VPS41: variants seen among roughly 807,000 people sequenced by gnomAD.
VPS41 encodes VPS41 subunit of HOPS complex, also known as vacuolar protein sorting-associated protein 41 homolog.
VPS41 carries 85 observed loss-of-function variants against 130.9 expected under a neutral mutation model. The ratio of observed to expected loss-of-function variants is 0.65; its 90% confidence interval spans 0.55 to 0.78. The LOEUF (loss-of-function observed/expected upper bound fraction) is 0.78. VPS41 is among the 30% of genes least tolerant of loss of function. VPS41 has a pLI of 0.00. For synonymous variants in VPS41, 335 were observed against 332.9 expected (o/e 1.01, Z -0.07); for missense variants, 874 against 1,018.7 (o/e 0.86, Z 1.93).
chr7:38,849,288 C>T (rs1785797775), intron 4 of VPS41, among the ~76,000 whole-genome samples: 1 of 152,092 alleles, frequency 6.6e-6, no homozygotes, highest in Non-Finnish European at 1.5e-5. Context: ...GTTTAAGCTT[C>T]TGAAGCCCCA....
intron 6 of VPS41, among the ~76,000 whole-genome samples, chr7:38,820,488 A>G (rs994200679): frequency 4.6e-5 from 7 of 152,170 alleles, no homozygotes; most frequent in Non-Finnish European, 8.8e-5. Flanking sequence ...CTTGACTCTT[A>G]TCTGTCCTTC....
chr7:38,756,814 G>T (rs769694309), intron 19 of VPS41, 24 bp downstream of exon 19: 3 of 1,438,142 alleles, frequency 2.1e-6, no homozygotes, highest in Non-Finnish European at 2.9e-6. Flanking sequence ...ATAATTGACA[G>T]TACTAAAATA....
rs1379808135 is a variant in VPS41, at chr7:38,724,253, TTAAAG to T, written c.*1988_*1992del. On this transcript the variant is annotated 3_prime_UTR_variant, in exon 29 of 29. Coordinates refer to ENST00000310301, the MANE Select transcript of VPS41 (RefSeq NM_014396.4). Reference sequence around the variant, plus strand: ...AAATTAGCAAATCCTATTGATGATCTTAAAGTAAACTTTTCTGGAAATGAGCTTGC... The same window carrying T: ...AAATTAGCAAATCCTATTGATGATCTTAAACTTTTCTGGAAATGAGCTTGC... The T allele has an allele frequency of 6.6e-6, 1 of 152,256 alleles. No individual in the cohort carries two copies. Among genetic ancestry groups the T allele is most frequent in the Non-Finnish European group, 1.5e-5 (1 of 68,050 alleles). The allele number at this position is 152,256 out of a possible 1,614,324, so 9.4% of individuals were successfully genotyped here. A position where few individuals can be genotyped will look rare whatever the true frequency, so the allele number is the denominator to read the frequency against.
chr7:38,857,060 G>A (rs1260230175), intron 4 of VPS41, among the ~76,000 whole-genome samples: 1 of 152,216 alleles, frequency 6.6e-6, no homozygotes, highest in East Asian at 1.9e-4. Flanking sequence ...TAGATGGACA[G>A]AGGTCTGGGT....
intron 4 of VPS41, among the ~76,000 whole-genome samples, chr7:38,839,673 C>T (rs1033946713): frequency 1.3e-5 from 2 of 152,034 alleles, no homozygotes; most frequent in African/African-American, 2.4e-5. Flanking sequence ...TCATGTGATC[C>T]TCCCGCCTCG....
chr7:38,770,763 A>C (rs1029984262), intron 14 of VPS41, among the ~76,000 whole-genome samples: 1 of 152,214 alleles, frequency 6.6e-6, no homozygotes. Context: ...TCCTGAGTCC[A>C]AAATGTAATA....
At chr7:38,787,336 G>GCCTC (rs1332719258) in intron 10 of VPS41, among the ~76,000 whole-genome samples, 2 of 152,176 alleles carry the variant, frequency 1.3e-5, no homozygotes, top group Admixed American at 6.5e-5. Flanking sequence ...TTGGTGAAAA[G>GCCTC]TACCAGAGGC....
intron 6 of VPS41, among the ~76,000 whole-genome samples, chr7:38,818,335 T>A (rs1785103041): frequency 6.6e-6 from 1 of 151,484 alleles, no homozygotes; most frequent in African/African-American, 2.4e-5. Flanking sequence ...CAACGCAGCC[T>A]CCCAGACGTT....
intron 11 of VPS41, among the ~76,000 whole-genome samples, chr7:38,775,912 A>G (rs1337270363): frequency 6.6e-6 from 1 of 151,962 alleles, no homozygotes; most frequent in Non-Finnish European, 1.5e-5. Context: ...TTTCTTCTAT[A>G]TACAGCATCC....
intron 10 of VPS41, 29 bp downstream of exon 10, chr7:38,789,772 T>A (rs781633557): frequency 1.2e-6 from 2 of 1,611,658 alleles, no homozygotes; most frequent in African/African-American, 2.7e-5. Context: ...AAGTTTTACA[T>A]CCACAGAAGG....
At chr7:38,887,676 G>C (rs1309303906) in intron 2 of VPS41, among the ~76,000 whole-genome samples, 1 of 152,048 alleles carries the variant, frequency 6.6e-6, no homozygotes, top group Non-Finnish European at 1.5e-5. Flanking sequence ...GAAATACAGA[G>C]AACACCACAA....
chr7:38,732,967 A>G (rs1005892745), intron 25 of VPS41, among the ~76,000 whole-genome samples: 2 of 152,224 alleles, frequency 1.3e-5, no homozygotes, highest in Non-Finnish European at 2.9e-5. Context: ...AGCTGGGACC[A>G]CAGGCATGAG....
At position 38,746,256 on chromosome 7, in the gene VPS41, T is replaced by TAA. The variant is rs11359151; in HGVS notation, c.1927-645_1927-644dup. The stretch of plus-strand genomic sequence containing the variant: ...CAGATGAGAGCATTTCCATTAGTCT[T>TAA]AAAAAAAAAAAAAAGACCTACTATA... On this transcript the variant is annotated intron_variant, in intron 22 of 28. Coordinates refer to ENST00000310301, the MANE Select transcript of VPS41 (RefSeq NM_014396.4). Among the ~76,000 whole-genome samples, 1,437 of 146,058 alleles carry TAA rather than the reference T, an allele frequency of 9.8e-3. 11 individuals carry two copies. Among genetic ancestry groups the TAA allele is most frequent in the Non-Finnish European group, 0.014 (925 of 66,572 alleles).
Position 38,724,127 on chromosome 7 carries a change from G to C in VPS41, c.*2119C>G, listed in dbSNP as rs1795489527. Reference sequence around the variant, plus strand: ...AATCAGTTACTTAAAAATGAAGACTGTTTAATTATTTTCTCCTTTTCTATA... The same window carrying C: ...AATCAGTTACTTAAAAATGAAGACTCTTTAATTATTTTCTCCTTTTCTATA... On this transcript the variant is annotated 3_prime_UTR_variant, in exon 29 of 29. Transcript: ENST00000310301. 1 of 152,112 alleles carries C rather than the reference G, an allele frequency of 6.6e-6. No individual in the cohort carries two copies. Among genetic ancestry groups the C allele is most frequent in the Admixed American group, 6.6e-5 (1 of 15,264 alleles). 9.4% of individuals were successfully genotyped at this position (152,112 alleles called of 1,614,324 possible).
intron 1 of VPS41, among the ~76,000 whole-genome samples, chr7:38,904,042 C>A (rs918253940): frequency 3.9e-5 from 6 of 152,158 alleles, no homozygotes; most frequent in African/African-American, 9.7e-5. Context: ...TCCATCTGCA[C>A]AGACTCTGAT....
chr7:38,736,238 T>TA (rs997531603), intron 25 of VPS41, among the ~76,000 whole-genome samples: 1 of 152,210 alleles, frequency 6.6e-6, no homozygotes, highest in African/African-American at 2.4e-5. Flanking sequence ...AGTGCCAGAC[T>TA]AGGTGTGTAA....
chr7:38,856,027 C>T (rs1313555017), intron 4 of VPS41, among the ~76,000 whole-genome samples: 1 of 152,140 alleles, frequency 6.6e-6, no homozygotes, highest in African/African-American at 2.4e-5. Flanking sequence ...TTGCAGACAG[C>T]CTTCCCGCTG....
chr7:38,838,762 A>G (rs755033765), intron 4 of VPS41, among the ~76,000 whole-genome samples: 25 of 152,240 alleles, frequency 1.6e-4, no homozygotes, highest in Non-Finnish European at 2.9e-4. Flanking sequence ...TCATGTGATA[A>G]TCAATTACCT....
intron 16 of VPS41, 83 bp downstream of exon 16, chr7:38,765,497 C>G: frequency 1.1e-6 from 1 of 909,338 alleles, no homozygotes; most frequent in African/African-American, 1.7e-5. Flanking sequence ...TAAAAAAGAG[C>G]TGAGTACTAT....
Sources: gnomAD v4.1 joint callset for allele counts (sites outside exome capture counted in the v4.1 genomes callset) on GRCh38, gnomAD v4.1.1 for gene constraint, MANE v1.5 for transcripts, NCBI Gene and HGNC (gene_info 2026-07-23, HGNC 2026-07-21) for gene names.